The following RDX variants were observed in gnomAD, a reference collection of about 807,000 sequenced individuals.
RDX encodes deafness, autosomal recessive 24.
RDX carries 32 observed loss-of-function variants against 83.7 expected under a neutral mutation model. The ratio of observed to expected loss-of-function variants is 0.38; its 90% confidence interval spans 0.29 to 0.51. The LOEUF (loss-of-function observed/expected upper bound fraction) is 0.51, where lower values mean the gene tolerates loss of function less well. RDX is among the 20% of genes least tolerant of loss of function. The pLI is 0.87. For missense variants in RDX, 600 were observed against 689.9 expected (o/e 0.87, Z 1.46); for synonymous variants, 229 against 222.7 (o/e 1.03, Z -0.25).
At position 110,260,847 on chromosome 11, in the gene RDX, A is replaced by G. The variant is rs146565489; in HGVS notation, c.468-2658T>C. Among the ~76,000 whole-genome samples the G allele has an allele frequency of 2.4e-3, 361 of 152,328 alleles. 2 individuals are homozygous for G. In the East Asian group the frequency reaches 0.024, roughly 10 times the overall value. ...TATATTATTACTACTATGTAGTATA[A>G]TAATACACTAATACACTACAAATGC... is the stretch of plus-strand genomic sequence containing the variant. On this transcript the variant is annotated intron_variant, in intron 5 of 13. Transcript: ENST00000645495.
At chr11:110,212,232 T>A (rs1322055904) in intron 14 of RDX, among the ~76,000 whole-genome samples, 1 of 152,162 alleles carries the variant, frequency 6.6e-6, no homozygotes, top group Non-Finnish European at 1.5e-5. Flanking sequence ...ATAGAAAATC[T>A]GGAAGAAATG....
In RDX at chr11:110,253,975, C is replaced by T. The variant is rs1859441076; in HGVS notation, c.930G>A (p.Arg310=). 6.8e-6 allele frequency: 11 copies of T among 1,613,686 alleles called. No individual in the cohort carries two copies. Among genetic ancestry groups the T allele is most frequent in the Non-Finnish European group, 9.3e-6 (11 of 1,179,810 alleles). The change falls in exon 9 of 14, where the codon AGG becomes AGA. Residue 310 remains arginine (R), a synonymous_variant. Coordinates refer to ENST00000645495, the MANE Select transcript of RDX (RefSeq NM_002906.4). ...CCAACTGCTTCTGATGTTTCTCCTC[C>T]CTAGCCTGAGCCTTCATCTGTTGTA... ...IEVQQMKAQA[R]EEKHQKQLER...
chr11:110,255,669 T>G (rs1207146021), intron 7 of RDX, among the ~76,000 whole-genome samples: 1 of 152,168 alleles, frequency 6.6e-6, no homozygotes, highest in Non-Finnish European at 1.5e-5. Flanking sequence ...AGTGTAGAAC[T>G]GAGCCTCCTG....
intron 2 of RDX, 36 bp downstream of exon 2, chr11:110,279,645 A>C (rs771957758): frequency 7.3e-7 from 1 of 1,370,248 alleles, no homozygotes. Context: ...ATATCTTATT[A>C]TTGAGACACT....
At chr11:110,227,876 T>C (rs899236954), downstream of RDX, among the ~76,000 whole-genome samples, 1 of 152,046 alleles carries the variant, frequency 6.6e-6, no homozygotes, top group Non-Finnish European at 1.5e-5. Context: ...CATGTAAAAA[T>C]TGTGTAGGAA....
chr11:110,290,990 G>A (rs1861218203), intron 1 of RDX, among the ~76,000 whole-genome samples: 1 of 152,104 alleles, frequency 6.6e-6, no homozygotes, highest in Non-Finnish European at 1.5e-5. Context: ...ATCAATTTTG[G>A]ATATGACTTT....
At chr11:110,204,514 CTTTTTTT>C (rs577737066) in intron 14 of RDX, among the ~76,000 whole-genome samples, 4 of 107,734 alleles carry the variant, frequency 3.7e-5, no homozygotes, top group African/African-American at 7.5e-5. Flanking sequence ...TTTTTTTTTC[CTTTTTTT>C]TTTTTTTTTT....
At chr11:110,220,877 G>GA (rs1864220709) in intron 14 of RDX, among the ~76,000 whole-genome samples, 1 of 48,784 alleles carries the variant, frequency 2.0e-5, no homozygotes, top group Admixed American at 1.8e-4. Flanking sequence ...AACAGCCTCT[G>GA]TAAAAAAAAA....
intron 9 of RDX, among the ~76,000 whole-genome samples, chr11:110,251,140 G>A (rs1054748784): frequency 3.3e-5 from 5 of 152,142 alleles, no homozygotes; most frequent in African/African-American, 1.2e-4. Context: ...TGTAACAATA[G>A]ATGCAGATAT....
intron 13 of RDX, among the ~76,000 whole-genome samples, chr11:110,232,857 C>G (rs972605450): frequency 5.3e-5 from 8 of 152,290 alleles, no homozygotes; most frequent in African/African-American, 1.9e-4. Context: ...TCAGGCAGTC[C>G]ACCTGCCTCG....
chr11:110,196,347 C>T (rs1206629746), intron 15 of RDX, among the ~76,000 whole-genome samples: 2 of 152,136 alleles, frequency 1.3e-5, no homozygotes, highest in Non-Finnish European at 2.9e-5. Flanking sequence ...AATGGAATGC[C>T]AGTGAGGAAA....
chr11:110,292,297 A>G (rs1302799835), intron 1 of RDX, among the ~76,000 whole-genome samples: 4 of 151,448 alleles, frequency 2.6e-5, no homozygotes, highest in African/African-American at 9.7e-5. Context: ...TGTCTTGGAA[A>G]AAAAAAAAAA....
intron 5 of RDX, among the ~76,000 whole-genome samples, chr11:110,259,879 T>C (rs1859730598): frequency 6.6e-6 from 1 of 152,206 alleles, no homozygotes; most frequent in Admixed American, 6.5e-5. Flanking sequence ...AACTTTCTTT[T>C]ATGGACTGTC....
chr11:110,243,942 T>A (rs1258147798), intron 10 of RDX, among the ~76,000 whole-genome samples: 1 of 152,106 alleles, frequency 6.6e-6, no homozygotes, highest in Admixed American at 6.6e-5. Context: ...TAGAAACCAA[T>A]GTGGCAGTTC....
intron 12 of RDX, among the ~76,000 whole-genome samples, chr11:110,235,225 G>A (rs1864796222): frequency 6.6e-6 from 1 of 151,976 alleles, no homozygotes; most frequent in African/African-American, 2.4e-5. Context: ...CTGTAGTCTC[G>A]GCTACTGCAG....
intron 3 of RDX, among the ~76,000 whole-genome samples, chr11:110,267,287 T>C (rs1360121816): frequency 6.6e-6 from 1 of 151,430 alleles, no homozygotes; most frequent in East Asian, 2.0e-4. Context: ...CCAAGGCAGC[T>C]AGATCACTTG....
At chr11:110,258,250 T>C (rs1374529177) in intron 5 of RDX, 61 bp from the exon 6 acceptor site, 1 of 1,119,364 alleles carries the variant, frequency 8.9e-7, no homozygotes, top group African/African-American at 1.6e-5. Context: ...GCATACACTT[T>C]AAAAGTAAAG....
At chr11:110,296,275 G>A (rs1216620071) in intron 1 of RDX, among the ~76,000 whole-genome samples, 192 bp downstream of exon 1, 1 of 152,054 alleles carries the variant, frequency 6.6e-6, no homozygotes, top group Non-Finnish European at 1.5e-5. Flanking sequence ...TACCAGCCCC[G>A]GGAGGAGCCT....
intron 8 of RDX, among the ~76,000 whole-genome samples, chr11:110,254,781 C>G (rs988369938): frequency 6.6e-6 from 1 of 151,996 alleles, no homozygotes; most frequent in Non-Finnish European, 1.5e-5. Flanking sequence ...CCAGCCTGTT[C>G]TTCTTACTTT....
Sources: gnomAD v4.1 joint callset for allele counts (sites outside exome capture counted in the v4.1 genomes callset) on GRCh38, gnomAD v4.1.1 for gene constraint, MANE v1.5 for transcripts, NCBI Gene and HGNC (gene_info 2026-07-23, HGNC 2026-07-21) for gene names.